The following CATSPERB variants were observed in gnomAD, a reference collection of about 807,000 sequenced individuals.
CATSPERB encodes the protein cation channel sperm-associated auxiliary subunit beta.
In CATSPERB, 93 loss-of-function variants were observed where a neutral mutation model predicts 128.3. The observed-to-expected ratio is 0.72, with a 90% CI of 0.61 to 0.86. The LOEUF is 0.86. CATSPERB is among the 40% of genes least tolerant of loss of function. The pLI, the probability that CATSPERB is intolerant of heterozygous loss-of-function variation, is 0.00. For missense variants in CATSPERB, 1,153 were observed against 1,329.5 expected (o/e 0.87, Z 2.06); for synonymous variants, 381 against 448.8 (o/e 0.85, Z 1.91).
chr14:91,700,108 G>A (rs1895622147), intron 7 of CATSPERB, among the ~76,000 whole-genome samples: 1 of 151,876 alleles, frequency 6.6e-6, no homozygotes, highest in African/African-American at 2.4e-5. Flanking sequence ...GACAGGCCCG[G>A]TGTGTGATGT....
At chr14:91,661,549 T>TATATATATATATATATATATATATA (rs1894886330) in intron 14 of CATSPERB, among the ~76,000 whole-genome samples, 4 of 52,706 alleles carry the variant, frequency 7.6e-5, no homozygotes, top group African/African-American at 2.6e-4. Context: ...ATATATATAT[T>TATATATATATATATATATATATATA]TAAGACAGGG....
chr14:91,661,548 T>TATATATATATATA (rs1566722229), intron 14 of CATSPERB, among the ~76,000 whole-genome samples: 40 of 146,810 alleles, frequency 2.7e-4, no homozygotes, highest in Non-Finnish European at 3.9e-4. Context: ...TATATATATA[T>TATATATATATATA]TTAAGACAGG....
At chr14:91,635,411 C>T (rs1294960604) in intron 17 of CATSPERB, 2 of 151,946 alleles carry the variant, frequency 1.3e-5, no homozygotes, top group African/African-American at 4.8e-5. Context: ...AGTGCAACGG[C>T]AATGGCACAA....
chr14:91,591,138 A>C (rs1230060636), intron 23 of CATSPERB, among the ~76,000 whole-genome samples: 1 of 151,776 alleles, frequency 6.6e-6, no homozygotes, highest in Non-Finnish European at 1.5e-5. Context: ...GCTTACTGCA[A>C]CCTCTGCCTC....
chr14:91,608,477 T>A (rs1202230467), intron 21 of CATSPERB, 73 bp from the exon 22 acceptor site: 4 of 936,680 alleles, frequency 4.3e-6, no homozygotes, highest in Non-Finnish European at 6.5e-6. Flanking sequence ...CTTGACTTTC[T>A]AGAAAACCAA....
intron 22 of CATSPERB, chr14:91,605,411 A>T: frequency 1.9e-6 from 1 of 532,274 alleles, no homozygotes; most frequent in Non-Finnish European, 3.3e-6. Context: ...AAGATCTTAG[A>T]GAAATATGAC....
chr14:91,660,213 C>A (rs111540146), intron 14 of CATSPERB, among the ~76,000 whole-genome samples: 6 of 151,774 alleles, frequency 4.0e-5, no homozygotes, highest in African/African-American at 1.5e-4. Flanking sequence ...ATGAAGGTGT[C>A]TGTGGCAGAG....
chr14:91,714,277 C>CAAAAAAAAAAAAAAAAAAAAAA (rs35951126), intron 5 of CATSPERB, among the ~76,000 whole-genome samples: 10 of 111,244 alleles, frequency 9.0e-5, no homozygotes, highest in African/African-American at 2.5e-4. Flanking sequence ...TACAATAAGG[C>CAAAAAAAAAAAAAAAAAAAAAA]AAAAAAAAAA....
intron 13 of CATSPERB, among the ~76,000 whole-genome samples, chr14:91,671,414 A>G (rs1895085329): frequency 6.6e-6 from 1 of 152,010 alleles, no homozygotes; most frequent in African/African-American, 2.4e-5. Flanking sequence ...TCTCTACTAA[A>G]AAATACAAAA....
rs1174809617 is a variant in CATSPERB at position 91,629,301 on chromosome 14, A to G, written c.1743-4294T>C. On this transcript the variant is annotated intron_variant, in intron 17 of 26. Transcript: ENST00000256343. ...CTATATACGGTATGATTCAAACTAT[A>G]TGACATTCTGGAAAAGGCAAAATTA... is the stretch of plus-strand genomic sequence containing the variant. Among the ~76,000 whole-genome samples the G allele has an allele frequency of 3.3e-5, 5 of 152,238 alleles. 1 individual carries two copies. The highest frequency in any genetic ancestry group is 1.2e-4 in the African/African-American group (5 of 41,470).
At chr14:91,666,166 C>CT (rs559385489) in intron 14 of CATSPERB, among the ~76,000 whole-genome samples, 3 of 152,316 alleles carry the variant, frequency 2.0e-5, no homozygotes, top group Admixed American at 2.0e-4. Flanking sequence ...CCAGCTTTGC[C>CT]TACAGCAGGT....
chr14:91,723,255 A>G (rs1896064727), intron 3 of CATSPERB, 66 bp from the exon 4 acceptor site: 1 of 1,223,260 alleles, frequency 8.2e-7, no homozygotes, highest in Admixed American at 3.0e-5. Context: ...AAGTTAGTTA[A>G]TCTAAAAGTG....
rs1392435953 is a variant in CATSPERB, at chr14:91,592,019, C to T, written c.2710-17G>A. On this transcript the variant is annotated splice_polypyrimidine_tract_variant and intron_variant, in intron 22 of 26. Transcript: ENST00000256343. Reference sequence around the variant, plus strand: ...ACCGGTTTTCTGCAAATAGAAGTAACAGATGTTGACTTGTTTTTCTGCGTT... The same window carrying T: ...ACCGGTTTTCTGCAAATAGAAGTAATAGATGTTGACTTGTTTTTCTGCGTT... 2.0e-6 allele frequency: 3 copies of T among 1,505,142 alleles called. No individual in the cohort carries two copies. Among genetic ancestry groups the T allele is most frequent in the African/African-American group, 2.7e-5 (2 of 72,884 alleles). 93.2% of individuals were successfully genotyped at this position (1,505,142 alleles called of 1,614,324 possible).
chr14:91,623,969 C>A (rs1894102612), intron 18 of CATSPERB, among the ~76,000 whole-genome samples: 1 of 151,966 alleles, frequency 6.6e-6, no homozygotes, highest in Non-Finnish European at 1.5e-5. Flanking sequence ...CTCTTCAAGA[C>A]AAAATAATCT....
chr14:91,587,076 C>G, intron 26 of CATSPERB, 126 bp downstream of exon 26: 1 of 673,492 alleles, frequency 1.5e-6, no homozygotes, highest in Non-Finnish European at 2.5e-6. Flanking sequence ...TTCAGGATCC[C>G]CTGTCTTTAA....
rs74935676 is a variant in CATSPERB at position 91,586,843 on chromosome 14, A to G, written c.3132+359T>C. ...CAGCCAAAAGGAGGATAATCAGACT[A>G]GAAACTAAAAAGTTACAGAAATATG... is the stretch of plus-strand genomic sequence containing the variant. On this transcript the variant is annotated intron_variant, in intron 26 of 26. Coordinates refer to ENST00000256343, the MANE Select transcript of CATSPERB (RefSeq NM_024764.4). Among the ~76,000 whole-genome samples the G allele has an allele frequency of 1.4e-3, 212 of 152,388 alleles. 2 individuals carry two copies. Among genetic ancestry groups the G allele is most frequent in the African/African-American group, 5.0e-3 (207 of 41,592 alleles).
intron 22 of CATSPERB, among the ~76,000 whole-genome samples, chr14:91,598,719 G>A (rs1389372386): frequency 6.6e-6 from 1 of 151,978 alleles, no homozygotes; most frequent in Non-Finnish European, 1.5e-5. Flanking sequence ...TTAGCCAGGC[G>A]TGGTGGCAGG....
In CATSPERB at chr14:91,585,013, A is replaced by C. The variant is rs78284969; in HGVS notation, c.3132+2189T>G. On this transcript the variant is annotated intron_variant, in intron 26 of 26. Coordinates refer to ENST00000256343, the MANE Select transcript of CATSPERB (RefSeq NM_024764.4). The stretch of plus-strand genomic sequence containing the variant: ...CTTTCTTCTTCTTCTTCTTCTTTTT[A>C]TTTTTATTTTTTATTTTTTTTGAGA... Among the ~76,000 whole-genome samples, 906 of 113,524 alleles carry C rather than the reference A, an allele frequency of 8.0e-3. 12 individuals carry two copies. The highest frequency in any genetic ancestry group is 0.026 in the African/African-American group (866 of 33,298). 74.5% of individuals were successfully genotyped at this position (113,524 alleles called of 152,430 possible). A position where few individuals can be genotyped will look rare whatever the true frequency, so the allele number is the denominator to read the frequency against.
intron 3 of CATSPERB, 47 bp from the exon 4 acceptor site, chr14:91,723,236 C>T: frequency 2.2e-6 from 3 of 1,352,120 alleles, no homozygotes; most frequent in Non-Finnish European, 2.9e-6. Flanking sequence ...CCACTTGATG[C>T]AGACACACAA....
Sources: allele counts gnomAD v4.1 joint callset (sites outside exome capture counted in the v4.1 genomes callset), GRCh38; gene constraint gnomAD v4.1.1; transcripts MANE v1.5; gene names NCBI Gene and HGNC (gene_info 2026-07-23, HGNC 2026-07-21).